SLC4A4: variants seen among roughly 807,000 people sequenced by gnomAD.
The protein encoded by SLC4A4 is electrogenic sodium bicarbonate cotransporter 1.
SLC4A4 carries 27 observed loss-of-function variants against 111.5 expected under a neutral mutation model. That is an observed-to-expected ratio of 0.24 (90% CI 0.18 to 0.33). The LOEUF is 0.33. Among genes scored for constraint, SLC4A4 ranks in the 10% least tolerant of loss-of-function variants. The probability of loss-of-function intolerance (pLI) is 1.00; values close to 1 mark genes in which losing one functional copy is unlikely to be tolerated. For synonymous variants in SLC4A4, 443 were observed against 463.4 expected, an observed-to-expected ratio of 0.96 and a Z score of 0.57; for missense variants, 909 against 1,315.5, an observed-to-expected ratio of 0.69 and a Z score of 4.78.
intron 6 of SLC4A4, among the ~76,000 whole-genome samples, chr4:71,391,851 A>G (rs926159100): frequency 6.6e-6 from 1 of 152,062 alleles, no homozygotes; most frequent in Non-Finnish European, 1.5e-5. Context: ...GAGTGGATGA[A>G]ACACCACTTG....
intron 2 of SLC4A4, among the ~76,000 whole-genome samples, chr4:71,119,016 G>A (rs1399537804): frequency 7.7e-6 from 1 of 129,348 alleles, no homozygotes; most frequent in Admixed American, 7.9e-5. Context: ...TAAACCCATA[G>A]CAAGCATAAC....
chr4:71,146,104 TAC>T (rs928343135), intron 2 of SLC4A4, among the ~76,000 whole-genome samples: 1 of 152,246 alleles, frequency 6.6e-6, no homozygotes, highest in Non-Finnish European at 1.5e-5. Flanking sequence ...AATTTTCCTC[TAC>T]ACACCGCTTT....
intron 2 of SLC4A4, among the ~76,000 whole-genome samples, chr4:71,176,523 G>A (rs940894558): frequency 1.3e-5 from 2 of 152,122 alleles, no homozygotes; most frequent in East Asian, 1.9e-4. Flanking sequence ...CGAGAACTAC[G>A]TGACAAATGC....
chr4:71,426,679 C>T (rs534209038), intron 7 of SLC4A4, among the ~76,000 whole-genome samples: 1 of 152,204 alleles, frequency 6.6e-6, no homozygotes, highest in Non-Finnish European at 1.5e-5. Context: ...TTCTACATCC[C>T]AGCCCTTGTT....
intron 18 of SLC4A4, 23 bp downstream of exon 18, chr4:71,534,411 GT>G (rs745702609): frequency 1.2e-6 from 2 of 1,608,910 alleles, no homozygotes; most frequent in Non-Finnish European, 1.7e-6. Flanking sequence ...AATAATGTCT[GT>G]CATTGCCTTC....
At chr4:71,399,707 G>C (rs1290197065) in intron 7 of SLC4A4, among the ~76,000 whole-genome samples, 1 of 151,750 alleles carries the variant, frequency 6.6e-6, no homozygotes, top group Non-Finnish European at 1.5e-5. Context: ...TGACCTTTAT[G>C]ATGCTCTGAA....
intron 4 of SLC4A4, among the ~76,000 whole-genome samples, chr4:71,348,021 A>G (rs1729484058): frequency 6.6e-6 from 1 of 152,150 alleles, no homozygotes; most frequent in Non-Finnish European, 1.5e-5. Context: ...ATCTTGAGCA[A>G]TAAATTATAG....
chr4:71,115,234 C>A (rs1270665486), intron 2 of SLC4A4, among the ~76,000 whole-genome samples: 3 of 149,346 alleles, frequency 2.0e-5, no homozygotes, highest in Non-Finnish European at 4.5e-5. Context: ...ATACCTAATG[C>A]TAGATGACGA....
intron 3 of SLC4A4, among the ~76,000 whole-genome samples, chr4:71,263,698 T>G (rs1422088160): frequency 6.6e-6 from 1 of 151,964 alleles, no homozygotes; most frequent in Non-Finnish European, 1.5e-5. Context: ...AGGAAAAGTC[T>G]TTTTTTTATG....
chr4:71,344,487 G>T (rs954866184), intron 4 of SLC4A4, among the ~76,000 whole-genome samples: 3 of 152,082 alleles, frequency 2.0e-5, no homozygotes, highest in African/African-American at 7.2e-5. Context: ...ATGCTTAGAA[G>T]GAATCCATTT....
At chr4:71,155,233 A>T (rs1450268735) in intron 2 of SLC4A4, among the ~76,000 whole-genome samples, 7 of 152,280 alleles carry the variant, frequency 4.6e-5, no homozygotes, top group African/African-American at 7.2e-5. Context: ...ACAAATTGAG[A>T]TGAAAATAAT....
intron 3 of SLC4A4, among the ~76,000 whole-genome samples, chr4:71,324,966 A>G (rs1034112970): frequency 3.3e-5 from 5 of 151,984 alleles, no homozygotes; most frequent in African/African-American, 1.2e-4. Flanking sequence ...CATATTAAGG[A>G]TAATTTGTGA....
At chr4:71,384,603 T>C (rs1185139335) in intron 6 of SLC4A4, among the ~76,000 whole-genome samples, 1 of 133,542 alleles carries the variant, frequency 7.5e-6, no homozygotes, top group Non-Finnish European at 1.5e-5. Flanking sequence ...GCCATTGCAC[T>C]CAAGCCTGGG....
At chr4:71,518,484 C>A (rs779593008) in intron 16 of SLC4A4, among the ~76,000 whole-genome samples, 1 of 148,718 alleles carries the variant, frequency 6.7e-6, no homozygotes, top group Non-Finnish European at 1.5e-5. Context: ...AAGTCTGGGG[C>A]TCTCTGGGCT....
intron 18 of SLC4A4, among the ~76,000 whole-genome samples, chr4:71,538,939 G>A (rs1282465854): frequency 1.3e-5 from 2 of 152,066 alleles, no homozygotes; most frequent in Non-Finnish European, 2.9e-5. Flanking sequence ...TAGAGTCTGA[G>A]CTTCAGACTG....
In SLC4A4 at chr4:71,153,282, G is replaced by A. The variant is rs554034517; in HGVS notation, c.-2+60490G>A. Among the ~76,000 whole-genome samples the A allele has an allele frequency of 3.2e-3, 493 of 152,050 alleles. 3 individuals are homozygous for A. The highest frequency in any genetic ancestry group is 5.6e-3 in the Admixed American group (85 of 15,254). Reference sequence around the variant, plus strand: ...AGCTGATTAAATGGTGCCCACCCACGTTAAGGGTGGGTCTGCCTTTCCCAG... The same window carrying A: ...AGCTGATTAAATGGTGCCCACCCACATTAAGGGTGGGTCTGCCTTTCCCAG... On this transcript the variant is annotated intron_variant, in intron 2 of 26. Coordinates refer to the SLC4A4 transcript ENST00000649996.
Position 71,532,172 on chromosome 4 carries a change from C to T in SLC4A4, c.2277C>T (p.Phe759=). ...DTPKLIVPSE[F]KPTSPNRGWF... ...CAAAACTAATTGTGCCAAGTGAGTT[C>T]AAGGTAGGTGAATGTCTATCTTTTG... is the stretch of plus-strand genomic sequence containing the variant. Residue 759 remains phenylalanine (F), a synonymous_variant, in exon 17 of 26, where the codon TTC becomes TTT. Transcript: ENST00000264485. The T allele has an allele frequency of 6.4e-7, 1 of 1,554,614 alleles. No homozygotes were observed. The highest frequency in any genetic ancestry group is 8.9e-7 in the Non-Finnish European group (1 of 1,126,100).
At chr4:71,497,308 C>T (rs182963108) in intron 15 of SLC4A4, among the ~76,000 whole-genome samples, 193 bp from the exon 16 acceptor site, 64 of 152,164 alleles carry the variant, frequency 4.2e-4, no homozygotes, top group African/African-American at 1.5e-3. Context: ...ATTGTATTTT[C>T]AACAATTGCC....
chr4:71,458,528 T>C (rs1726504584), intron 12 of SLC4A4, among the ~76,000 whole-genome samples: 1 of 152,016 alleles, frequency 6.6e-6, no homozygotes, highest in Non-Finnish European at 1.5e-5. Context: ...TACAGTAAGA[T>C]TTTTAGATTC....
Sources: allele counts gnomAD v4.1 joint callset (sites outside exome capture counted in the v4.1 genomes callset), GRCh38; gene constraint gnomAD v4.1.1; transcripts MANE v1.5; gene names NCBI Gene and HGNC (gene_info 2026-07-23, HGNC 2026-07-21).